Variants in ANKRD17 observed in about 807,000 individuals in gnomAD.
The protein encoded by ANKRD17 is ankyrin repeat domain 17.
ANKRD17 carries 19 observed loss-of-function variants against 229.7 expected under a neutral mutation model. The observed-to-expected ratio is 0.08, with a 90% confidence interval of 0.06 to 0.12. The LOEUF (loss-of-function observed/expected upper bound fraction) is 0.12, where lower values mean the gene tolerates loss of function less well. Among genes scored for constraint, ANKRD17 ranks in the 10% least tolerant of loss-of-function variants. ANKRD17 has a pLI of 1.00. For missense variants in ANKRD17, 2,176 were observed against 3,176.8 expected, an observed-to-expected ratio of 0.68 and a Z score of 7.57; for synonymous variants, 1,112 against 1,146.1, an observed-to-expected ratio of 0.97 and a Z score of 0.60.
intron 1 of ANKRD17, among the ~76,000 whole-genome samples, chr4:73,248,489 T>C (rs547838371): frequency 1.3e-5 from 2 of 152,116 alleles, no homozygotes; most frequent in East Asian, 3.9e-4. Context: ...AGAAATAATG[T>C]CCCCATTTCT....
At chr4:73,167,184 T>C (rs1251418852) in intron 2 of ANKRD17, among the ~76,000 whole-genome samples, 1 of 152,136 alleles carries the variant, frequency 6.6e-6, no homozygotes, top group Non-Finnish European at 1.5e-5. Context: ...CTGCTGAAGC[T>C]GGATGATGGA....
chr4:73,112,618 T>C, intron 24 of ANKRD17: 2 of 531,322 alleles, frequency 3.8e-6, no homozygotes, highest in Non-Finnish European at 4.8e-6. Flanking sequence ...GTACTTCAAA[T>C]GATTCATATT....
At chr4:73,193,931 C>G in intron 1 of ANKRD17, among the ~76,000 whole-genome samples, 1 of 152,018 alleles carries the variant, frequency 6.6e-6, no homozygotes. Context: ...AACCTTGTCT[C>G]AAAAACAACA....
intron 15 of ANKRD17, among the ~76,000 whole-genome samples, chr4:73,137,000 T>A (rs969919111): frequency 7.2e-6 from 1 of 139,254 alleles, no homozygotes; most frequent in East Asian, 2.1e-4. Context: ...TTTTTTTTTT[T>A]AAGTCAAATT....
chr4:73,089,003 A>AT (rs1321016437), intron 29 of ANKRD17, among the ~76,000 whole-genome samples: 16 of 152,132 alleles, frequency 1.1e-4, no homozygotes, highest in African/African-American at 3.6e-4. Context: ...AAACACTGAA[A>AT]TTAAAATTTC....
chr4:73,079,558 TA>T (rs34559248), intron 30 of ANKRD17, among the ~76,000 whole-genome samples: 75 of 146,704 alleles, frequency 5.1e-4, no homozygotes, highest in African/African-American at 1.3e-3. Flanking sequence ...ATGTCCAGTT[TA>T]AAAAAAAAAA....
intron 16 of ANKRD17, among the ~76,000 whole-genome samples, chr4:73,128,472 G>A (rs554196853): frequency 6.6e-6 from 1 of 152,296 alleles, no homozygotes; most frequent in South Asian, 2.1e-4. Context: ...ATGAAGAGAT[G>A]TACATAAAAT....
At chr4:73,169,022 C>G (rs1043365616) in intron 2 of ANKRD17, 2 of 152,150 alleles carry the variant, frequency 1.3e-5, no homozygotes, top group East Asian at 1.9e-4. Context: ...TAAGTAATAA[C>G]GTGGCATTTG....
intron 1 of ANKRD17, among the ~76,000 whole-genome samples, chr4:73,178,246 A>T (rs1232893102): frequency 6.6e-6 from 1 of 152,178 alleles, no homozygotes; most frequent in African/African-American, 2.4e-5. Flanking sequence ...ACTTTACCAT[A>T]AAAATGACAT....
rs1399628416 is a variant in ANKRD17, at chr4:73,207,790, A to G, written c.394-30257T>C. On this transcript the variant is annotated intron_variant, in intron 1 of 33. Coordinates refer to ENST00000358602, the MANE Select transcript of ANKRD17 (RefSeq NM_032217.5). Reference sequence around the variant, plus strand: ...AAATACATGAAGCAAAAACTGACAAATCGGAAAGGAAGAATGGGACTCTCT... The same window carrying G: ...AAATACATGAAGCAAAAACTGACAAGTCGGAAAGGAAGAATGGGACTCTCT... 2.0e-5 allele frequency among the ~76,000 whole-genome samples: 3 copies of G among 152,234 alleles called. No homozygotes were observed. The East Asian group carries it at 5.8e-4, about 29-fold the overall frequency.
intron 3 of ANKRD17, among the ~76,000 whole-genome samples, chr4:73,160,219 T>C (rs1732325239): frequency 7.1e-6 from 1 of 140,582 alleles, no homozygotes; most frequent in South Asian, 2.3e-4. Flanking sequence ...ACTTTTTTTT[T>C]TTTTTTTTTT....
At chr4:73,183,550 G>T (rs908574840) in intron 1 of ANKRD17, among the ~76,000 whole-genome samples, 1 of 152,030 alleles carries the variant, frequency 6.6e-6, no homozygotes, top group South Asian at 2.1e-4. Flanking sequence ...GGCCTCCTGG[G>T]TTCAAGCGAT....
At chr4:73,121,207 A>G in intron 19 of ANKRD17, 113 bp from the exon 20 acceptor site, 2 of 988,268 alleles carry the variant, frequency 2.0e-6, no homozygotes, top group Non-Finnish European at 3.1e-6. Context: ...ATTGTTTAAA[A>G]TATCCATTTT....
At chr4:73,121,123 T>TGGAAAAATATATATTTTAAATGAC in intron 19 of ANKRD17, 29 bp from the exon 20 acceptor site, 1 of 1,545,552 alleles carries the variant, frequency 6.5e-7, no homozygotes, top group Non-Finnish European at 8.9e-7. Context: ...GGAAAACAAA[T>TGGAAAAATATATATTTTAAATGAC]GGAAAAATAT....
chr4:73,155,853 C>T lies in ANKRD17; in HGVS notation c.853-75G>A, dbSNP rs545997391. ...AAATTTTGAACACGTATTTATATAA[C>T]GTCTACCTAGTCATAGTAAAAGAGC... On this transcript the variant is annotated intron_variant, in intron 4 of 33. Coordinates refer to ENST00000358602, the MANE Select transcript of ANKRD17 (RefSeq NM_032217.5). 45 of 1,534,902 alleles carry T rather than the reference C, an allele frequency of 2.9e-5. No homozygotes were observed. The East Asian group carries it at 4.2e-4, about 14-fold the overall frequency.
intron 2 of ANKRD17, among the ~76,000 whole-genome samples, chr4:73,172,040 T>C (rs1734108689): frequency 6.6e-6 from 1 of 152,082 alleles, no homozygotes; most frequent in East Asian, 1.9e-4. Context: ...TTCCCAAACC[T>C]AGAGAAAGAT....
intron 2 of ANKRD17, among the ~76,000 whole-genome samples, chr4:73,162,966 C>G (rs1454395572): frequency 6.6e-6 from 1 of 151,854 alleles, no homozygotes; most frequent in South Asian, 2.1e-4. Flanking sequence ...CTCAAGTGAT[C>G]CCCCACTTTG....
At chr4:73,120,100 G>C (rs958566245) in intron 21 of ANKRD17, 62 bp downstream of exon 21, 19 of 1,504,720 alleles carry the variant, frequency 1.3e-5, no homozygotes, top group South Asian at 2.3e-5. Context: ...TAATTGCCTA[G>C]AGAGAATGAT....
chr4:73,208,188 CAAAAAAAA>C (rs36126530), intron 1 of ANKRD17, among the ~76,000 whole-genome samples: 2 of 67,962 alleles, frequency 2.9e-5, no homozygotes, highest in Non-Finnish European at 5.5e-5. Context: ...GACTCCGTCT[CAAAAAAAA>C]AAAAAAAAAA....
Sources: allele counts gnomAD v4.1 joint callset (sites outside exome capture counted in the v4.1 genomes callset), GRCh38; gene constraint gnomAD v4.1.1; transcripts MANE v1.5; gene names NCBI Gene and HGNC (gene_info 2026-07-23, HGNC 2026-07-21).